The following KCNH7 variants were observed in gnomAD, a reference collection of about 807,000 sequenced individuals.
The protein encoded by KCNH7 is voltage-gated inwardly rectifying potassium channel KCNH7.
Under a neutral mutation model 120.8 loss-of-function variants are expected in KCNH7, and 49 were observed. The ratio of observed to expected loss-of-function variants is 0.41; its 90% CI spans 0.32 to 0.51. The LOEUF (loss-of-function observed/expected upper bound fraction) is 0.51, where lower values mean the gene tolerates loss of function less well. Ranked by LOEUF, KCNH7 falls within the 20% of genes least tolerant of loss-of-function variation. KCNH7 has a pLI of 0.38. For synonymous variants in KCNH7, 547 were observed against 516.1 expected (o/e 1.06, Z -0.81); for missense variants, 1,097 against 1,446.6 (o/e 0.76, Z 3.92).
At chr2:162,670,560 A>G (rs919531063) in intron 2 of KCNH7, among the ~76,000 whole-genome samples, 7 of 151,846 alleles carry the variant, frequency 4.6e-5, no homozygotes, top group Non-Finnish European at 7.4e-5. Flanking sequence ...AAATAATAGG[A>G]TATAAATTGG....
At chr2:162,709,212 T>C (rs1290770233) in intron 2 of KCNH7, among the ~76,000 whole-genome samples, 1 of 152,074 alleles carries the variant, frequency 6.6e-6, no homozygotes, top group Non-Finnish European at 1.5e-5. Flanking sequence ...AAAAAAGATA[T>C]TTCAAGAGTG....
At chr2:162,569,488 A>C (rs1295678650) in intron 2 of KCNH7, among the ~76,000 whole-genome samples, 1 of 144,156 alleles carries the variant, frequency 6.9e-6, no homozygotes, top group African/African-American at 2.6e-5. Flanking sequence ...CAGCTCCTGG[A>C]TTCATTAATT....
At chr2:162,695,626 T>C (rs539167518) in intron 2 of KCNH7, among the ~76,000 whole-genome samples, 1 of 152,246 alleles carries the variant, frequency 6.6e-6, no homozygotes, top group East Asian at 1.9e-4. Context: ...AGCTTGAGAA[T>C]AGCAGTTTAA....
intron 2 of KCNH7, among the ~76,000 whole-genome samples, chr2:162,633,631 A>G (rs1009317913): frequency 7.9e-5 from 12 of 151,994 alleles, no homozygotes; most frequent in African/African-American, 2.9e-4. Context: ...ATACAGCCCA[A>G]ATAGAAATGG....
intron 9 of KCNH7, among the ~76,000 whole-genome samples, chr2:162,409,188 G>T (rs1466361854): frequency 2.0e-5 from 3 of 151,724 alleles, no homozygotes; most frequent in Non-Finnish European, 4.4e-5. Context: ...ATCTTTCAAA[G>T]ATCTGCTGAA....
chr2:162,558,822 G>A (rs978560186), intron 2 of KCNH7, among the ~76,000 whole-genome samples: 3 of 151,530 alleles, frequency 2.0e-5, no homozygotes, highest in Non-Finnish European at 4.4e-5. Context: ...CCAGCACTTT[G>A]GGAGGCCGAG....
chr2:162,484,708 C>T (rs1236811411), intron 6 of KCNH7, among the ~76,000 whole-genome samples: 1 of 152,096 alleles, frequency 6.6e-6, no homozygotes, highest in African/African-American at 2.4e-5. Context: ...GGGGCAGATC[C>T]CTCATGAATG....
intron 2 of KCNH7, among the ~76,000 whole-genome samples, chr2:162,802,644 GACA>G (rs1559140935): frequency 6.6e-6 from 1 of 151,510 alleles, no homozygotes; most frequent in Non-Finnish European, 1.5e-5. Flanking sequence ...AATAAATTAT[GACA>G]ATATATTTTA....
At chr2:162,530,391 C>T (rs1691874658) in intron 3 of KCNH7, among the ~76,000 whole-genome samples, 1 of 151,916 alleles carries the variant, frequency 6.6e-6, no homozygotes, top group Non-Finnish European at 1.5e-5. Flanking sequence ...AACATCTTCC[C>T]AAACACACAA....
intron 2 of KCNH7, among the ~76,000 whole-genome samples, chr2:162,654,028 G>A (rs1037828463): frequency 2.0e-5 from 3 of 150,396 alleles, no homozygotes; most frequent in Non-Finnish European, 3.0e-5. Flanking sequence ...CTAAGATCTG[G>A]AACTCTAGAA....
At chr2:162,714,928 G>A (rs1000746972) in intron 2 of KCNH7, among the ~76,000 whole-genome samples, 1 of 152,134 alleles carries the variant, frequency 6.6e-6, no homozygotes, top group South Asian at 2.1e-4. Flanking sequence ...GCTGACCTCT[G>A]TCCTAAAGCT....
intron 2 of KCNH7, among the ~76,000 whole-genome samples, chr2:162,671,368 C>A (rs1685347035): frequency 6.6e-6 from 1 of 150,618 alleles, no homozygotes; most frequent in Non-Finnish European, 1.5e-5. Context: ...GATTACTATT[C>A]AGCCATTAAA....
chr2:162,473,029 C>T (rs537100352), intron 6 of KCNH7, among the ~76,000 whole-genome samples: 2 of 151,864 alleles, frequency 1.3e-5, no homozygotes, highest in South Asian at 4.2e-4. Flanking sequence ...AATGAGAACA[C>T]TTGGACACAG....
At chr2:162,627,565 A>G (rs1340525302) in intron 2 of KCNH7, among the ~76,000 whole-genome samples, 7 of 152,178 alleles carry the variant, frequency 4.6e-5, no homozygotes, top group Non-Finnish European at 1.0e-4. Context: ...ATGGCTAAAT[A>G]TTCTTGAATG....
At chr2:162,453,657 G>A (rs1688853445) in intron 6 of KCNH7, among the ~76,000 whole-genome samples, 1 of 152,098 alleles carries the variant, frequency 6.6e-6, no homozygotes. Context: ...TCGTCATTCT[G>A]ACTGTCATGA....
intron 6 of KCNH7, among the ~76,000 whole-genome samples, chr2:162,500,250 CTATG>C (rs972319724): frequency 1.2e-4 from 17 of 145,226 alleles, no homozygotes; most frequent in South Asian, 6.6e-4. Context: ...TATACACATA[CTATG>C]TATGTATGTA....
At chr2:162,667,018 C>CTTTTTTTTTTTTTTTTTT (rs34213467) in intron 2 of KCNH7, among the ~76,000 whole-genome samples, 1 of 124,218 alleles carries the variant, frequency 8.1e-6, no homozygotes, top group African/African-American at 3.2e-5. Flanking sequence ...TTTTCTTTTT[C>CTTTTTTTTTTTTTTTTTT]TTTTTTTTTT....
intron 11 of KCNH7, 107 bp from the exon 12 acceptor site, chr2:162,394,592 C>T (rs1686849420): frequency 1.5e-6 from 1 of 672,652 alleles, no homozygotes; most frequent in Admixed American, 3.1e-5. Context: ...CATCTTGAGA[C>T]TTAATTATTA....
intron 2 of KCNH7, among the ~76,000 whole-genome samples, chr2:162,554,836 G>A (rs1039092075): frequency 6.6e-6 from 1 of 152,156 alleles, no homozygotes; most frequent in African/African-American, 2.4e-5. Context: ...ATTTTGCTAT[G>A]TAAGGTAACG....
Sources: gnomAD v4.1 joint callset for allele counts (sites outside exome capture counted in the v4.1 genomes callset) on GRCh38, gnomAD v4.1.1 for gene constraint, MANE v1.5 for transcripts, NCBI Gene and HGNC (gene_info 2026-07-23, HGNC 2026-07-21) for gene names.